The following PARD3 variants were observed in gnomAD, a reference collection of about 807,000 sequenced individuals.
PARD3 encodes the protein par-3 family cell polarity regulator.
In PARD3, 75 loss-of-function variants were observed where a neutral mutation model predicts 155.4. That is an observed-to-expected ratio of 0.48 (90% confidence interval 0.40 to 0.58). The LOEUF is 0.58. PARD3 is among the 20% of genes least tolerant of loss of function. The pLI is 0.00. For missense variants in PARD3, 1,642 were observed against 1,721.7 expected (o/e 0.95, Z 0.82); for synonymous variants, 576 against 610.5 (o/e 0.94, Z 0.83).
intron 23 of PARD3, among the ~76,000 whole-genome samples, chr10:34,130,561 A>C (rs1947552609): frequency 6.6e-6 from 1 of 152,136 alleles, no homozygotes; most frequent in African/African-American, 2.4e-5. Context: ...GAAATTCTTC[A>C]AACTCCCCAT....
At chr10:34,250,148 T>TCCCCGC (rs1554818196) in intron 22 of PARD3, among the ~76,000 whole-genome samples, 1 of 147,182 alleles carries the variant, frequency 6.8e-6, no homozygotes, top group South Asian at 2.1e-4. Context: ...AGAAAACTGC[T>TCCCCGC]CCCCCTCCAC....
intron 22 of PARD3, among the ~76,000 whole-genome samples, chr10:34,198,958 GC>G (rs1951083754): frequency 6.6e-6 from 1 of 152,116 alleles, no homozygotes; most frequent in African/African-American, 2.4e-5. Context: ...CTTTTCAGTT[GC>G]CATGGACTCT....
At chr10:34,179,168 G>GCGCACACACA (rs754519425) in intron 22 of PARD3, among the ~76,000 whole-genome samples, 1 of 94,534 alleles carries the variant, frequency 1.1e-5, no homozygotes, top group Admixed American at 1.0e-4. Context: ...GTGCGTGCGC[G>GCGCACACACA]CACACACACA....
At chr10:34,350,416 G>A (rs1473573139) in intron 14 of PARD3, among the ~76,000 whole-genome samples, 2 of 152,228 alleles carry the variant, frequency 1.3e-5, no homozygotes, top group South Asian at 2.1e-4. Context: ...AGGCCGAGGC[G>A]GGTGGATCAT....
intron 2 of PARD3, among the ~76,000 whole-genome samples, chr10:34,592,527 G>A (rs780791973): frequency 6.6e-6 from 1 of 152,198 alleles, no homozygotes; most frequent in Non-Finnish European, 1.5e-5. Flanking sequence ...TCTAATCCCA[G>A]CACTGTGGGA....
At chr10:34,170,111 A>G (rs1949717435) in intron 22 of PARD3, among the ~76,000 whole-genome samples, 1 of 152,216 alleles carries the variant, frequency 6.6e-6, no homozygotes, top group African/African-American at 2.4e-5. Context: ...TTTTTGAGAC[A>G]GGGTCTCACT....
chr10:34,448,134 CGT>C (rs35325584), intron 5 of PARD3, among the ~76,000 whole-genome samples: 17,680 of 146,806 alleles, frequency 0.12, 1,035 homozygotes, highest in African/African-American at 0.15. Flanking sequence ...ATATACACTG[CGT>C]GTGTGTGTGT....
At chr10:34,164,259 G>A (rs1251013791) in intron 22 of PARD3, among the ~76,000 whole-genome samples, 1 of 152,136 alleles carries the variant, frequency 6.6e-6, no homozygotes, top group Non-Finnish European at 1.5e-5. Context: ...TTATTTCCAA[G>A]GTGAACTTTA....
intron 4 of PARD3, among the ~76,000 whole-genome samples, chr10:34,461,780 G>A (rs1434978950): frequency 6.6e-6 from 1 of 152,112 alleles, no homozygotes; most frequent in Non-Finnish European, 1.5e-5. Context: ...TTCCCTCTGT[G>A]ATGTATGTAA....
At chr10:34,727,867 C>A (rs189725624) in intron 1 of PARD3, among the ~76,000 whole-genome samples, 1 of 144,042 alleles carries the variant, frequency 6.9e-6, no homozygotes, top group East Asian at 2.0e-4. Flanking sequence ...GTATGCAACC[C>A]CCTCCCTCCG....
chr10:34,303,162 A>ATTTTTTTTTTTTTTTTTTTTTT (rs5784409), intron 20 of PARD3, among the ~76,000 whole-genome samples: 2 of 132,002 alleles, frequency 1.5e-5, no homozygotes, highest in African/African-American at 6.0e-5. Flanking sequence ...GCCCAGGTGA[A>ATTTTTTTTTTTTTTTTTTTTTT]TTTTTTTTTT....
intron 1 of PARD3, among the ~76,000 whole-genome samples, chr10:34,705,094 A>G (rs1171180610): frequency 6.6e-6 from 1 of 152,160 alleles, no homozygotes; most frequent in Non-Finnish European, 1.5e-5. Context: ...TAAAAAAAAA[A>G]TGAATCATTA....
intron 20 of PARD3, among the ~76,000 whole-genome samples, chr10:34,307,949 G>C (rs1331484949): frequency 6.6e-6 from 1 of 152,132 alleles, no homozygotes; most frequent in African/African-American, 2.4e-5. Context: ...AAAGTGTCAG[G>C]GTGAGAGGGA....
At chr10:34,708,182 A>C (rs2094395607) in intron 1 of PARD3, among the ~76,000 whole-genome samples, 2 of 152,102 alleles carry the variant, frequency 1.3e-5, no homozygotes, top group African/African-American at 4.8e-5. Flanking sequence ...CAATACCATA[A>C]GGAAACAATC....
chr10:34,157,563 T>C lies in PARD3; in HGVS notation c.3420-25980A>G, dbSNP rs559840364. Among the ~76,000 whole-genome samples the C allele has an allele frequency of 2.0e-5, 3 of 152,338 alleles. No individual in the cohort carries two copies. In the South Asian group the frequency reaches 6.2e-4, roughly 32 times the overall value. ...CCTAACACAGATTATCATGAGTCCA[T>C]GTACAATAATTTTCCCCATAAAACT... On this transcript the variant is annotated intron_variant, in intron 22 of 24. Transcript: ENST00000374788.
chr10:34,469,570 A>C (rs2078222400), intron 4 of PARD3, among the ~76,000 whole-genome samples: 1 of 152,242 alleles, frequency 6.6e-6, no homozygotes, highest in Non-Finnish European at 1.5e-5. Flanking sequence ...TAAAACGATC[A>C]ACTGTGTAAT....
chr10:34,413,037 A>G (rs565961144), intron 5 of PARD3, among the ~76,000 whole-genome samples: 2 of 152,232 alleles, frequency 1.3e-5, no homozygotes, highest in East Asian at 3.9e-4. Flanking sequence ...AACAGGATCA[A>G]GATGACTGCT....
chr10:34,342,203 A>G (rs1427817597), intron 15 of PARD3, among the ~76,000 whole-genome samples: 1 of 152,252 alleles, frequency 6.6e-6, no homozygotes, highest in East Asian at 1.9e-4. Context: ...TTGTTTATTC[A>G]TTCATTCATT....
rs554987301 is a variant in PARD3, at chr10:34,252,394, G to A, written c.3419+17263C>T. On this transcript the variant is annotated intron_variant, in intron 22 of 24. Coordinates refer to ENST00000374788, the MANE Select transcript of PARD3 (RefSeq NM_001184785.2). ...CTGCCAACCAACTTGTTATCTCCTC[G>A]TCCTTCCTCTCCCTTCCCCGTTGCT... Among the ~76,000 whole-genome samples the A allele has an allele frequency of 1.6e-4, 25 of 152,098 alleles. No individual in the cohort carries two copies. The South Asian group carries it at 4.4e-3, about 26-fold the overall frequency.
Sources: allele counts gnomAD v4.1 joint callset (sites outside exome capture counted in the v4.1 genomes callset), GRCh38; gene constraint gnomAD v4.1.1; transcripts MANE v1.5; gene names NCBI Gene and HGNC (gene_info 2026-07-23, HGNC 2026-07-21).